GAD1: variants seen among roughly 807,000 people sequenced by gnomAD.
The protein encoded by GAD1 is 67 kDa glutamic acid decarboxylase.
Under a neutral mutation model 75.2 loss-of-function variants are expected in GAD1, and 35 were observed. The ratio of observed to expected loss-of-function variants is 0.47; its 90% confidence interval spans 0.36 to 0.62. The LOEUF (loss-of-function observed/expected upper bound fraction) is 0.62, where lower values mean the gene tolerates loss of function less well. GAD1 is among the 20% of genes least tolerant of loss of function. The probability of loss-of-function intolerance (pLI) is 0.00; values close to 1 mark genes in which losing one functional copy is unlikely to be tolerated. For missense variants in GAD1, 490 were observed against 758.5 expected, an observed-to-expected ratio of 0.65 and a Z score of 4.16; for synonymous variants, 257 against 271.9, an observed-to-expected ratio of 0.95 and a Z score of 0.54.
chr2:170,822,500 C>T (rs1255877352), intron 3 of GAD1, among the ~76,000 whole-genome samples: 1 of 152,242 alleles, frequency 6.6e-6, no homozygotes, highest in African/African-American at 2.4e-5. Context: ...CGGTGCCGTG[C>T]ACTCTGCCTG....
intron 6 of GAD1, among the ~76,000 whole-genome samples, chr2:170,840,722 A>T (rs184991883): frequency 2.0e-5 from 3 of 151,610 alleles, no homozygotes; most frequent in African/African-American, 2.4e-5. Flanking sequence ...TTAAAAAAAA[A>T]TTAAAAAAAA....
chr2:170,840,173 C>T (rs76344572), intron 6 of GAD1, among the ~76,000 whole-genome samples: 3,218 of 152,276 alleles, frequency 0.021, 119 homozygotes, highest in East Asian at 0.2. Context: ...CAGAGTGGTT[C>T]TGAAGACTAA....
intron 15 of GAD1, among the ~76,000 whole-genome samples, chr2:170,858,028 C>G (rs1702888347): frequency 6.8e-6 from 1 of 146,312 alleles, no homozygotes; most frequent in Non-Finnish European, 1.6e-5. Context: ...ACTAGGAACA[C>G]ATGTGAATCA....
In GAD1 at chr2:170,853,759, C is replaced by G; in HGVS notation, c.1264-114C>G. On this transcript the variant is annotated intron_variant, in intron 13 of 16. Transcript: ENST00000358196. The surrounding 1 kb of genome is among the most constrained non-coding windows in gnomAD (Gnocchi z 4.1). ...CAAGTGTAAGGCCTCATAAAGACAT[C>G]AGAAGAAAGATTGCATATGACCCCA... 1 of 1,022,622 alleles carries G rather than the reference C, an allele frequency of 9.8e-7. No individual in the cohort carries two copies. The highest frequency in any genetic ancestry group is 1.5e-6 in the Non-Finnish European group (1 of 650,668). 63.3% of individuals were successfully genotyped at this position (1,022,622 alleles called of 1,614,324 possible).
chr2:170,845,642 C>T, intron 8 of GAD1, 21 bp downstream of exon 8: 1 of 1,612,826 alleles, frequency 6.2e-7, no homozygotes, highest in Non-Finnish European at 8.5e-7. Flanking sequence ...GATGCTTTCT[C>T]ATGGATAGTG....
chr2:170,859,075 C>G (rs1702910461), intron 16 of GAD1, among the ~76,000 whole-genome samples, 182 bp downstream of exon 16: 1 of 152,160 alleles, frequency 6.6e-6, no homozygotes, highest in African/African-American at 2.4e-5. Flanking sequence ...GCATCGCCCC[C>G]TTACTGTGGT....
intron 16 of GAD1, 38 bp from the exon 17 acceptor site, chr2:170,859,671 A>G: frequency 3.1e-6 from 5 of 1,608,330 alleles, no homozygotes; most frequent in Non-Finnish European, 4.3e-6. Context: ...GGGTGTTCAT[A>G]TCAATCTTGA....
intron 7 of GAD1, among the ~76,000 whole-genome samples, chr2:170,844,393 ATTTTTTC>A (rs1702586300): frequency 7.0e-6 from 1 of 143,204 alleles, no homozygotes; most frequent in African/African-American, 2.6e-5. Flanking sequence ...AAATAACCCC[ATTTTTTC>A]TTTTTTCTTT....
rs1313105535 is a variant in GAD1, at chr2:170,818,301, C to A, written c.-63-228C>A. On this transcript the variant is annotated intron_variant, in intron 1 of 16. Coordinates refer to ENST00000358196, the MANE Select transcript of GAD1 (RefSeq NM_000817.3). This position sits in a 1 kb window ranked among gnomAD's most constrained non-coding sequence, Gnocchi z 5.9. ...GCCGATGCACCGCCAGACTCGAGAG[C>A]GGCCCAGGGCTACGCTCCCTGCGCC... 5 of 431,512 alleles carry A rather than the reference C, an allele frequency of 1.2e-5. No homozygotes were observed. The highest frequency in any genetic ancestry group is 6.0e-5 in the African/African-American group (3 of 49,760). The allele number at this position is 431,512 out of a possible 1,614,324, so 26.7% of individuals were successfully genotyped here. A position where few individuals can be genotyped will look rare whatever the true frequency, so the allele number is the denominator to read the frequency against.
At chr2:170,827,435 A>T (rs1225301969) in intron 3 of GAD1, among the ~76,000 whole-genome samples, 1 of 152,194 alleles carries the variant, frequency 6.6e-6, no homozygotes, top group African/African-American at 2.4e-5. Flanking sequence ...GAAGGAGGAG[A>T]AGCCAAAGGA....
At chr2:170,838,901 T>C (rs1488410692) in intron 6 of GAD1, among the ~76,000 whole-genome samples, 1 of 152,206 alleles carries the variant, frequency 6.6e-6, no homozygotes, top group Non-Finnish European at 1.5e-5. Flanking sequence ...TTCCAACAGA[T>C]CGATAGAGAA....
chr2:170,846,136 T>C, intron 10 of GAD1, 73 bp downstream of exon 10: 2 of 1,206,252 alleles, frequency 1.7e-6, no homozygotes, highest in South Asian at 2.5e-5. Flanking sequence ...AAACAGTCCT[T>C]GATAATATGA....
intron 11 of GAD1, chr2:170,848,699 A>G (rs375819554): frequency 3.3e-5 from 17 of 518,340 alleles, no homozygotes; most frequent in East Asian, 5.4e-5. Flanking sequence ...AACTTCTCAC[A>G]ATTGGCCAAT....
rs555605272 is a variant in GAD1, at chr2:170,831,275, T to G, written c.547+83T>G. 1.2e-4 allele frequency: 182 copies of G among 1,486,736 alleles called. No homozygotes were observed. The African/African-American group carries it at 2.2e-3, about 18-fold the overall frequency. The allele number at this position is 1,486,736 out of a possible 1,614,324, so 92.1% of individuals were successfully genotyped here. On this transcript the variant is annotated intron_variant, in intron 5 of 16. Coordinates refer to ENST00000358196, the MANE Select transcript of GAD1 (RefSeq NM_000817.3). ...GCCAGTTGTGAGGATATCAAACTTG[T>G]GTTGGAAGAAAAACACAGCCCTGGT...
intron 12 of GAD1, among the ~76,000 whole-genome samples, chr2:170,850,612 T>G (rs1702727125): frequency 6.6e-6 from 1 of 152,190 alleles, no homozygotes; most frequent in Admixed American, 6.5e-5. Flanking sequence ...GGACTCTGGC[T>G]TTTGTTACCT....
At chr2:170,830,254 G>A (rs1235871345) in intron 4 of GAD1, among the ~76,000 whole-genome samples, 1 of 152,244 alleles carries the variant, frequency 6.6e-6, no homozygotes, top group Non-Finnish European at 1.5e-5. Flanking sequence ...GGAAGTCACA[G>A]AGAGTATCGT....
chr2:170,836,911 A>T (rs760779459), intron 6 of GAD1, 28 bp downstream of exon 6: 1 of 1,473,068 alleles, frequency 6.8e-7, no homozygotes, highest in South Asian at 1.1e-5. Flanking sequence ...TCATATAAGC[A>T]ACCCTGATGT....
intron 2 of GAD1, among the ~76,000 whole-genome samples, chr2:170,819,754 G>T (rs1472772645): frequency 1.3e-5 from 2 of 152,032 alleles, no homozygotes; most frequent in Admixed American, 1.3e-4. Context: ...TACAGAAAGG[G>T]CTTAAGAAGG....
At chr2:170,821,834 G>A in intron 2 of GAD1, 1 of 532,640 alleles carries the variant, frequency 1.9e-6, no homozygotes, top group South Asian at 2.1e-5. Flanking sequence ...GGCCCGGAGG[G>A]GCGCCGGGTG....
Sources: gnomAD v4.1 joint callset for allele counts (sites outside exome capture counted in the v4.1 genomes callset) on GRCh38, gnomAD v4.1.1 for gene constraint, Gnocchi (gnomAD v3.1) non-coding constraint, MANE v1.5 for transcripts, NCBI Gene and HGNC (gene_info 2026-07-23, HGNC 2026-07-21) for gene names.